MAN1A1: variants seen among roughly 807,000 people sequenced by gnomAD.
MAN1A1 encodes the protein mannosyl-oligosaccharide 1,2-alpha-mannosidase IA.
Under a neutral mutation model 70.8 loss-of-function variants are expected in MAN1A1, and 29 were observed. The ratio of observed to expected loss-of-function variants is 0.41; its 90% CI spans 0.31 to 0.56. The LOEUF (loss-of-function observed/expected upper bound fraction) is 0.56, where lower values mean the gene tolerates loss of function less well. Among genes scored for constraint, MAN1A1 ranks in the 20% least tolerant of loss-of-function variants. The probability of loss-of-function intolerance (pLI) is 0.29; values close to 1 mark genes in which losing one functional copy is unlikely to be tolerated. For missense variants in MAN1A1, 747 were observed against 841.3 expected (o/e 0.89, Z 1.39); for synonymous variants, 349 against 330.1 (o/e 1.06, Z -0.62).
chr6:119,291,418 C>T (rs1776542170), intron 4 of MAN1A1, among the ~76,000 whole-genome samples: 1 of 151,986 alleles, frequency 6.6e-6, no homozygotes, highest in Non-Finnish European at 1.5e-5. Context: ...ATTTTGACTC[C>T]TAAACAAAAT....
At chr6:119,245,826 C>T (rs1269058057) in intron 6 of MAN1A1, among the ~76,000 whole-genome samples, 1 of 152,148 alleles carries the variant, frequency 6.6e-6, no homozygotes, top group East Asian at 1.9e-4. Flanking sequence ...TTTTTCACCA[C>T]ATGCAATTTT....
chr6:119,303,201 T>C (rs1269759769), intron 3 of MAN1A1, among the ~76,000 whole-genome samples: 6 of 152,076 alleles, frequency 3.9e-5, no homozygotes, highest in Non-Finnish European at 8.8e-5. Context: ...AAATTTTTTT[T>C]GTACAGATGA....
chr6:119,287,020 C>A (rs151218496), intron 5 of MAN1A1, among the ~76,000 whole-genome samples: 6 of 152,044 alleles, frequency 3.9e-5, no homozygotes, highest in African/African-American at 9.7e-5. Flanking sequence ...TCAGTCTTCA[C>A]GGGATATGAA....
chr6:119,297,735 CTTTTTT>C (rs386408421), intron 4 of MAN1A1, among the ~76,000 whole-genome samples: 9 of 95,686 alleles, frequency 9.4e-5, no homozygotes, highest in Non-Finnish European at 9.8e-5. Flanking sequence ...AAATAGTTTC[CTTTTTT>C]TTTTTTTTTT....
In MAN1A1 at chr6:119,180,338, C is replaced by A. The variant is rs1209964854; in HGVS notation, c.1809G>T (p.Gln603His). The A allele has an allele frequency of 3.1e-6, 5 of 1,613,590 alleles. No homozygotes were observed. Among genetic ancestry groups the A allele is most frequent in the Non-Finnish European group, 4.2e-6 (5 of 1,179,780 alleles). The change falls in exon 12 of 13, where the codon CAG becomes CAT. Residue 603 changes from glutamine (Q) to histidine (H), a missense_variant. Gln to His is a conservative substitution (Grantham distance 24, BLOSUM62 0). Transcript: ENST00000368468. ...TCAATGTCTCTGCCAGGAAGAAACT[C>A]TGCTGCACATCATCATAACTCTCAT... ...LLHESYDDVQQSFFLAETLKY... is the reference protein window; with the variant it reads ...LLHESYDDVQHSFFLAETLKY...
intron 5 of MAN1A1, among the ~76,000 whole-genome samples, chr6:119,253,363 A>G (rs1386454854): frequency 6.6e-6 from 1 of 152,240 alleles, no homozygotes; most frequent in African/African-American, 2.4e-5. Flanking sequence ...TGTAGCTGGC[A>G]TTAGTCAACA....
intron 5 of MAN1A1, among the ~76,000 whole-genome samples, chr6:119,276,951 C>T (rs114217078): frequency 1.9e-3 from 293 of 152,154 alleles, no homozygotes; most frequent in African/African-American, 6.7e-3. Context: ...TAAAGAGCCA[C>T]GAAAAAAATT....
In MAN1A1 at chr6:119,313,922, C is replaced by G. The variant is rs74828427; in HGVS notation, c.604-6930G>C. On this transcript the variant is annotated intron_variant, in intron 2 of 12. Transcript: ENST00000368468. ...GTGACAAAACGAGAGTCAAGCCCCT[C>G]ACTAAAGCTATTTAAAAAAAAAAAA... Among the ~76,000 whole-genome samples, 870 of 144,754 alleles carry G rather than the reference C, an allele frequency of 6.0e-3. 29 individuals carry two copies. The East Asian group carries it at 0.09, about 15-fold the overall frequency. The allele number at this position is 144,754 out of a possible 152,430, so 95.0% of individuals were successfully genotyped here. A position where few individuals can be genotyped will look rare whatever the true frequency, so the allele number is the denominator to read the frequency against.
intron 2 of MAN1A1, among the ~76,000 whole-genome samples, chr6:119,310,939 G>A (rs1001052632): frequency 6.6e-6 from 1 of 152,150 alleles, no homozygotes; most frequent in Admixed American, 6.5e-5. Flanking sequence ...ATGTGTACTT[G>A]TAGAAAAGCT....
At chr6:119,275,358 G>A (rs1259034488) in intron 5 of MAN1A1, among the ~76,000 whole-genome samples, 2 of 122,902 alleles carry the variant, frequency 1.6e-5, no homozygotes, top group South Asian at 5.7e-4. Flanking sequence ...CCAGGCTGGA[G>A]TGCAGTGGCG....
chr6:119,310,546 G>A (rs1340717198), intron 2 of MAN1A1, among the ~76,000 whole-genome samples: 1 of 152,156 alleles, frequency 6.6e-6, no homozygotes, highest in East Asian at 1.9e-4. Flanking sequence ...CTCCAACGTG[G>A]GGCGCCCTGG....
intron 9 of MAN1A1, 30 bp downstream of exon 9, chr6:119,193,747 G>T: frequency 6.8e-7 from 1 of 1,475,250 alleles, no homozygotes; most frequent in Non-Finnish European, 9.5e-7. Context: ...TTAGGGCTGA[G>T]TGGCAAAGAT....
At chr6:119,295,637 T>C (rs1311214510) in intron 4 of MAN1A1, among the ~76,000 whole-genome samples, 1 of 152,304 alleles carries the variant, frequency 6.6e-6, no homozygotes, top group East Asian at 1.9e-4. Flanking sequence ...TCTGAGTGTT[T>C]GATTTTCAGA....
At chr6:119,243,501 A>T (rs948461621) in intron 6 of MAN1A1, among the ~76,000 whole-genome samples, 4 of 152,098 alleles carry the variant, frequency 2.6e-5, no homozygotes, top group Admixed American at 2.6e-4. Flanking sequence ...TATTAAAATT[A>T]ACCAACTATA....
chr6:119,321,889 G>T (rs1773019479), intron 2 of MAN1A1, among the ~76,000 whole-genome samples: 1 of 152,086 alleles, frequency 6.6e-6, no homozygotes. Flanking sequence ...AAAGTGCTGG[G>T]ATTACAGGCA....
chr6:119,257,993 T>A (rs944074689), intron 5 of MAN1A1, among the ~76,000 whole-genome samples: 1 of 152,140 alleles, frequency 6.6e-6, no homozygotes, highest in Admixed American at 6.5e-5. Context: ...ATATGACAAA[T>A]AATTTCTGAA....
In MAN1A1 at chr6:119,340,835, T is replaced by C. The variant is rs536490717; in HGVS notation, c.603+7628A>G. Among the ~76,000 whole-genome samples the C allele has an allele frequency of 1.9e-3, 287 of 152,302 alleles. 1 individual carries two copies. The highest frequency in any genetic ancestry group is 6.6e-3 in the African/African-American group (273 of 41,554). On this transcript the variant is annotated intron_variant, in intron 2 of 12. Coordinates refer to ENST00000368468, the MANE Select transcript of MAN1A1 (RefSeq NM_005907.4). The stretch of plus-strand genomic sequence containing the variant: ...ATGCAAATGAAAAGTTAATATAATA[T>C]GTTCTGAGTGTCACTTGAATGAACG...
At chr6:119,239,047 C>T (rs573905778) in intron 6 of MAN1A1, among the ~76,000 whole-genome samples, 32 of 152,196 alleles carry the variant, frequency 2.1e-4, no homozygotes, top group African/African-American at 3.1e-4. Context: ...CCTGCCACCG[C>T]GCCTGGCTAA....
At chr6:119,307,328 T>C (rs1772559454) in intron 2 of MAN1A1, among the ~76,000 whole-genome samples, 1 of 152,182 alleles carries the variant, frequency 6.6e-6, no homozygotes, top group African/African-American at 2.4e-5. Flanking sequence ...ATTTATCTAG[T>C]TCATTTTCAT....
Sources: gnomAD v4.1 joint callset for allele counts (sites outside exome capture counted in the v4.1 genomes callset) on GRCh38, gnomAD v4.1.1 for gene constraint, MANE v1.5 for transcripts, NCBI Gene and HGNC (gene_info 2026-07-23, HGNC 2026-07-21) for gene names.